The following SH3PXD2A variants were observed in gnomAD, a reference collection of about 807,000 sequenced individuals.
The protein encoded by SH3PXD2A is SH3 and PX domains 2A.
In SH3PXD2A, 32 loss-of-function variants were observed where a neutral mutation model predicts 115.2. That is an observed-to-expected ratio of 0.28 (90% CI 0.21 to 0.37). The LOEUF (loss-of-function observed/expected upper bound fraction) is 0.37. Ranked by LOEUF, SH3PXD2A falls within the 10% of genes least tolerant of loss-of-function variation. SH3PXD2A has a pLI of 1.00. For missense variants in SH3PXD2A, 1,328 were observed against 1,498.7 expected, an observed-to-expected ratio of 0.89 and a Z score of 1.88; for synonymous variants, 610 against 629.1, an observed-to-expected ratio of 0.97 and a Z score of 0.45.
intron 6 of SH3PXD2A, among the ~76,000 whole-genome samples, chr10:103,671,770 G>C (rs756954642): frequency 5.3e-5 from 8 of 152,328 alleles, no homozygotes; most frequent in East Asian, 1.9e-4. Context: ...GGAGCAGTGG[G>C]GGGGAGGCGG....
In SH3PXD2A at chr10:103,783,187, G is replaced by A. The variant is rs541768468; in HGVS notation, c.154-16018C>T. ...AGGCAGGGCCATCACCCAGGGCCTG[G>A]GGGCAGGCAAGGAGTTTGGAGTTCA... On this transcript the variant is annotated intron_variant, in intron 2 of 14. Transcript: ENST00000369774. Among the ~76,000 whole-genome samples, 11 of 152,340 alleles carry A rather than the reference G, an allele frequency of 7.2e-5. No individual in the cohort carries two copies. The South Asian group carries it at 2.3e-3, about 32-fold the overall frequency.
At chr10:103,755,585 C>A (rs2038631063) in intron 3 of SH3PXD2A, among the ~76,000 whole-genome samples, 1 of 152,082 alleles carries the variant, frequency 6.6e-6, no homozygotes, top group African/African-American at 2.4e-5. Context: ...GGATTTGAAC[C>A]CCAGGTTTGT....
chr10:103,668,253 T>C (rs1415426964), intron 7 of SH3PXD2A, among the ~76,000 whole-genome samples: 1 of 152,242 alleles, frequency 6.6e-6, no homozygotes, highest in Non-Finnish European at 1.5e-5. Flanking sequence ...CCTGAGCACT[T>C]TCTGTGTGCC....
At chr10:103,684,633 G>A (rs1219329452) in intron 6 of SH3PXD2A, among the ~76,000 whole-genome samples, 3 of 152,022 alleles carry the variant, frequency 2.0e-5, no homozygotes, top group Non-Finnish European at 2.9e-5. Context: ...TTACAGGAGC[G>A]AGCCACCACG....
At chr10:103,616,372 G>A (rs551252197) in intron 11 of SH3PXD2A, among the ~76,000 whole-genome samples, 2 of 152,316 alleles carry the variant, frequency 1.3e-5, no homozygotes, top group South Asian at 4.1e-4. Context: ...AGTCATCACA[G>A]CTGAGCCAGT....
intron 1 of SH3PXD2A, among the ~76,000 whole-genome samples, chr10:103,828,493 C>T (rs1472247820): frequency 6.6e-6 from 1 of 152,204 alleles, no homozygotes; most frequent in Non-Finnish European, 1.5e-5. Context: ...ACTCCTGGGT[C>T]TCCTTCCATG....
rs540689731 is a variant in SH3PXD2A, at chr10:103,640,212, G to A, written c.605-13010C>T. 1.9e-3 allele frequency among the ~76,000 whole-genome samples: 282 copies of A among 152,280 alleles called. 1 individual carries two copies. The highest frequency in any genetic ancestry group is 3.6e-3 in the Non-Finnish European group (246 of 68,022). ...TGCCTGTAATCCCAGCCACTTGGGA[G>A]GCTGAAGCAGGAGAATCGCTTGTAC... On this transcript the variant is annotated intron_variant, in intron 8 of 14. Transcript: ENST00000369774.
intron 2 of SH3PXD2A, among the ~76,000 whole-genome samples, chr10:103,771,724 G>C (rs1445449136): frequency 1.3e-5 from 2 of 149,522 alleles, no homozygotes; most frequent in Non-Finnish European, 3.0e-5. Flanking sequence ...AACAGAGCGA[G>C]ACTCCGTCAA....
intron 1 of SH3PXD2A, among the ~76,000 whole-genome samples, chr10:103,842,366 AT>A (rs1468863282): frequency 5.3e-5 from 8 of 152,224 alleles, no homozygotes; most frequent in African/African-American, 1.9e-4. Context: ...TCATGGGGAT[AT>A]CCATCACCTC....
At position 103,744,312 on chromosome 10, in the gene SH3PXD2A, C is replaced by T. The variant is rs55718085; in HGVS notation, c.230-8504G>A. Among the ~76,000 whole-genome samples, 1,430 of 152,246 alleles carry T rather than the reference C, an allele frequency of 9.4e-3. 10 individuals are homozygous for T. Among genetic ancestry groups the T allele is most frequent in the Non-Finnish European group, 0.013 (881 of 68,020 alleles). ...GGGATTACAGGTATGTGCCACCACA[C>T]CTGGCTAATTTTGTATTTTTAGTAG... On this transcript the variant is annotated intron_variant, in intron 3 of 14. Coordinates refer to ENST00000369774, the MANE Select transcript of SH3PXD2A (RefSeq NM_001394015.1).
chr10:103,825,279 C>T (rs1363848489), intron 1 of SH3PXD2A, among the ~76,000 whole-genome samples: 1 of 152,156 alleles, frequency 6.6e-6, no homozygotes, highest in Non-Finnish European at 1.5e-5. Flanking sequence ...ACACTTGGGC[C>T]GCTGATTTCA....
intron 8 of SH3PXD2A, among the ~76,000 whole-genome samples, chr10:103,639,249 TG>T (rs370770038): frequency 1.2e-3 from 187 of 152,282 alleles, no homozygotes; most frequent in African/African-American, 3.8e-3. Flanking sequence ...AGACTTGAAT[TG>T]AACCTCAGAG....
chr10:103,733,141 G>T (rs2038342124), intron 4 of SH3PXD2A, among the ~76,000 whole-genome samples: 1 of 151,518 alleles, frequency 6.6e-6, no homozygotes, highest in Admixed American at 6.6e-5. Context: ...CCCATTCCTT[G>T]TCTGGCTCTG....
At chr10:103,779,341 C>A (rs772786342) in intron 2 of SH3PXD2A, among the ~76,000 whole-genome samples, 2 of 152,156 alleles carry the variant, frequency 1.3e-5, no homozygotes, top group African/African-American at 4.8e-5. Context: ...CGTGCGGGGC[C>A]GGCTTCTTAC....
rs573658655 is a variant in SH3PXD2A at position 103,728,334 on chromosome 10, T to C, written c.307-3973A>G. Among the ~76,000 whole-genome samples, 127 of 152,366 alleles carry C rather than the reference T, an allele frequency of 8.3e-4. 1 individual carries two copies. Among genetic ancestry groups the C allele is most frequent in the African/African-American group, 2.3e-3 (97 of 41,590 alleles). On this transcript the variant is annotated intron_variant, in intron 4 of 14. Coordinates refer to ENST00000369774, the MANE Select transcript of SH3PXD2A (RefSeq NM_001394015.1). The stretch of plus-strand genomic sequence containing the variant: ...TGGTGAAGAGTACACTCAGTAAATG[T>C]GAGCCGTGATAACATTAGTGTCATC...
At chr10:103,724,581 C>A (rs183000445) in intron 4 of SH3PXD2A, among the ~76,000 whole-genome samples, 1 of 152,222 alleles carries the variant, frequency 6.6e-6, no homozygotes, top group Non-Finnish European at 1.5e-5. Context: ...TTCCCTCCCT[C>A]TTTCTATCCA....
chr10:103,703,462 CCCT>C (rs2037944527), intron 5 of SH3PXD2A, among the ~76,000 whole-genome samples: 1 of 152,210 alleles, frequency 6.6e-6, no homozygotes, highest in South Asian at 2.1e-4. Context: ...ACCACAGGCC[CCCT>C]CCTGCCCTGC....
chr10:103,654,685 G>C (rs1198583280), intron 8 of SH3PXD2A, among the ~76,000 whole-genome samples: 1 of 152,086 alleles, frequency 6.6e-6, no homozygotes, highest in South Asian at 2.1e-4. Context: ...CCAAAGTTTT[G>C]GGATTACAGG....
intron 1 of SH3PXD2A, among the ~76,000 whole-genome samples, chr10:103,810,214 C>T (rs1456717556): frequency 6.6e-6 from 1 of 152,190 alleles, no homozygotes; most frequent in African/African-American, 2.4e-5. Flanking sequence ...ACACTTGACA[C>T]CTAAGAGATG....
Sources: allele counts gnomAD v4.1 joint callset (sites outside exome capture counted in the v4.1 genomes callset), GRCh38; gene constraint gnomAD v4.1.1; transcripts MANE v1.5; gene names NCBI Gene and HGNC (gene_info 2026-07-23, HGNC 2026-07-21).